Variants in CNTN5 observed in about 807,000 individuals in gnomAD.
The protein encoded by CNTN5 is contactin 5, also known as contactin-5.
A neutral mutation model predicts 129.1 loss-of-function variants in CNTN5; 77 were observed. The observed-to-expected ratio is 0.60, with a 90% CI of 0.50 to 0.72. The LOEUF is 0.72. Among genes scored for constraint, CNTN5 ranks in the 30% least tolerant of loss-of-function variants. CNTN5 has a pLI of 0.00. For synonymous variants in CNTN5, 509 were observed against 465.6 expected, an observed-to-expected ratio of 1.09 and a Z score of -1.20; for missense variants, 1,478 against 1,328.8, an observed-to-expected ratio of 1.11 and a Z score of -1.75.
At chr11:100,009,471 G>T (rs999172768) in intron 9 of CNTN5, among the ~76,000 whole-genome samples, 1 of 151,990 alleles carries the variant, frequency 6.6e-6, no homozygotes. Flanking sequence ...AATGGAGGGG[G>T]ATTAATTAGT....
At chr11:99,388,414 C>CTAAAAAA (rs1555129501) in intron 2 of CNTN5, among the ~76,000 whole-genome samples, 1 of 121,860 alleles carries the variant, frequency 8.2e-6, no homozygotes. Context: ...AACCCGGTCT[C>CTAAAAAA]AAAAAAAAAA....
chr11:99,683,856 C>T (rs570213101), intron 3 of CNTN5, among the ~76,000 whole-genome samples: 45 of 151,228 alleles, frequency 3.0e-4, no homozygotes, highest in African/African-American at 5.9e-4. Flanking sequence ...TTATGGTGTA[C>T]GTGATGTTTT....
chr11:99,844,572 A>G, intron 4 of CNTN5: 2 of 399,284 alleles, frequency 5.0e-6, no homozygotes, highest in Middle Eastern at 7.3e-4. Flanking sequence ...TGATTTTGAA[A>G]AATGAAAACA....
intron 13 of CNTN5, among the ~76,000 whole-genome samples, chr11:100,098,219 G>T (rs1424863155): frequency 6.6e-6 from 1 of 151,952 alleles, no homozygotes; most frequent in Non-Finnish European, 1.5e-5. Flanking sequence ...GCAAAAAAAA[G>T]TATTTGACTT....
At chr11:99,159,806 A>T (rs536592395) in intron 1 of CNTN5, among the ~76,000 whole-genome samples, 2 of 152,306 alleles carry the variant, frequency 1.3e-5, no homozygotes, top group South Asian at 4.1e-4. Flanking sequence ...ATATAGGAGA[A>T]GTACGTATTT....
At chr11:99,214,779 T>C (rs1860034930) in intron 1 of CNTN5, among the ~76,000 whole-genome samples, 1 of 152,102 alleles carries the variant, frequency 6.6e-6, no homozygotes, top group African/African-American at 2.4e-5. Context: ...TTTCAATAAG[T>C]CATTTAACAA....
chr11:100,298,976 T>G (rs1944179), intron 19 of CNTN5, among the ~76,000 whole-genome samples, 186 bp from the exon 20 acceptor site: 104,110 of 151,290 alleles, frequency 0.69, 39,699 homozygotes, highest in South Asian at 0.91. Context: ...TTCTTTTACC[T>G]TTAAAGCTTT....
At chr11:99,750,460 A>T (rs1376659837) in intron 3 of CNTN5, among the ~76,000 whole-genome samples, 5 of 152,100 alleles carry the variant, frequency 3.3e-5, no homozygotes, top group Admixed American at 1.3e-4. Flanking sequence ...AACAAGTTTT[A>T]TGAATTCCAG....
At chr11:99,257,505 T>G (rs577213090) in intron 1 of CNTN5, among the ~76,000 whole-genome samples, 1 of 152,256 alleles carries the variant, frequency 6.6e-6, no homozygotes, top group African/African-American at 2.4e-5. Context: ...TCATAGTGAT[T>G]GTTGCAGCCA....
chr11:99,642,353 AAT>A (rs935850227), intron 3 of CNTN5, among the ~76,000 whole-genome samples: 1 of 152,164 alleles, frequency 6.6e-6, no homozygotes, highest in Non-Finnish European at 1.5e-5. Context: ...TTTAATTCTT[AAT>A]ATCTTTCAAG....
intron 7 of CNTN5, 78 bp downstream of exon 7, chr11:99,916,227 T>C (rs906923031): frequency 2.8e-6 from 3 of 1,087,112 alleles, no homozygotes; most frequent in Non-Finnish European, 4.1e-6. Context: ...AGTATATTGA[T>C]GGGAGAACAT....
intron 13 of CNTN5, among the ~76,000 whole-genome samples, chr11:100,108,900 G>T (rs1184066168): frequency 6.6e-6 from 1 of 151,900 alleles, no homozygotes; most frequent in African/African-American, 2.4e-5. Flanking sequence ...CAGCATATTA[G>T]CTCTGTGTTT....
chr11:100,130,650 G>A (rs1201469003), intron 13 of CNTN5, among the ~76,000 whole-genome samples: 1 of 151,992 alleles, frequency 6.6e-6, no homozygotes, highest in Non-Finnish European at 1.5e-5. Flanking sequence ...ATGGGTTTGG[G>A]CTTACTTATT....
At chr11:100,086,806 G>A (rs953995221) in intron 13 of CNTN5, among the ~76,000 whole-genome samples, 2 of 151,278 alleles carry the variant, frequency 1.3e-5, no homozygotes, top group East Asian at 1.9e-4. Flanking sequence ...ATACAAGAAG[G>A]AATATAAAAA....
At chr11:99,096,337 G>C (rs1307858931) in intron 1 of CNTN5, among the ~76,000 whole-genome samples, 1 of 151,668 alleles carries the variant, frequency 6.6e-6, no homozygotes, top group Non-Finnish European at 1.5e-5. Flanking sequence ...TATGACTTTG[G>C]TGACAGTAAG....
intron 10 of CNTN5, among the ~76,000 whole-genome samples, chr11:100,066,890 C>A (rs1295620361): frequency 6.6e-6 from 1 of 150,546 alleles, no homozygotes; most frequent in Non-Finnish European, 1.5e-5. Flanking sequence ...TTTATGTTAC[C>A]AGTAATTTTG....
At chr11:100,280,621 T>G (rs1225699437) in intron 18 of CNTN5, among the ~76,000 whole-genome samples, 1 of 152,064 alleles carries the variant, frequency 6.6e-6, no homozygotes, top group Non-Finnish European at 1.5e-5. Context: ...TGCGTATTAT[T>G]TTTTTGACCA....
At chr11:99,906,964 G>T (rs183321019) in intron 6 of CNTN5, among the ~76,000 whole-genome samples, 2 of 152,094 alleles carry the variant, frequency 1.3e-5, no homozygotes, top group African/African-American at 2.4e-5. Flanking sequence ...TGGGATCAGT[G>T]GTGATATCCA....
At chr11:99,922,696 G>C (rs892410149) in intron 7 of CNTN5, among the ~76,000 whole-genome samples, 1 of 152,098 alleles carries the variant, frequency 6.6e-6, no homozygotes, top group African/African-American at 2.4e-5. Context: ...AAAGTGTCAG[G>C]AGTCAAATTT....
Sources: gnomAD v4.1 joint callset for allele counts (sites outside exome capture counted in the v4.1 genomes callset) on GRCh38, gnomAD v4.1.1 for gene constraint, MANE v1.5 for transcripts, NCBI Gene and HGNC (gene_info 2026-07-23, HGNC 2026-07-21) for gene names.